Variants in FAF1 observed in about 807,000 individuals in gnomAD.
The protein encoded by FAF1 is FAS-associated factor 1.
FAF1 carries 25 observed loss-of-function variants against 92.5 expected under a neutral mutation model. The observed-to-expected ratio is 0.27, with a 90% CI of 0.20 to 0.38. FAF1 has a LOEUF of 0.38. FAF1 is among the 10% of genes least tolerant of loss of function. The pLI, the probability that FAF1 is intolerant of heterozygous loss-of-function variation, is 1.00. For synonymous variants in FAF1, 234 were observed against 273.2 expected (o/e 0.86, Z 1.42); for missense variants, 636 against 793.3 (o/e 0.80, Z 2.38).
At chr1:50,924,909 G>A (rs751805392) in intron 1 of FAF1, among the ~76,000 whole-genome samples, 10 of 152,210 alleles carry the variant, frequency 6.6e-5, no homozygotes, top group Admixed American at 2.0e-4. Context: ...CTTGAACCCA[G>A]GAGGCGGAGG....
intron 1 of FAF1, among the ~76,000 whole-genome samples, chr1:50,899,492 G>C (rs1644780327): frequency 6.6e-6 from 1 of 152,112 alleles, no homozygotes; most frequent in South Asian, 2.1e-4. Flanking sequence ...TTTTGAGACA[G>C]AGTCTCACTC....
chr1:50,770,360 C>T (rs928234584), intron 4 of FAF1, among the ~76,000 whole-genome samples: 1 of 152,138 alleles, frequency 6.6e-6, no homozygotes, highest in Non-Finnish European at 1.5e-5. Flanking sequence ...GGAAACTCCA[C>T]AATATCTGTC....
In FAF1 at chr1:50,460,543, C is replaced by T. The variant is rs1274437822; in HGVS notation, c.1869+14921G>A. ...TATGAATTCAATGTTAATGAACCAACAGTATATATTAATGTGTCTTTACAT... is the reference window on the plus strand; with the variant it reads ...TATGAATTCAATGTTAATGAACCAATAGTATATATTAATGTGTCTTTACAT... On this transcript the variant is annotated intron_variant, in intron 18 of 18. Coordinates refer to ENST00000396153, the MANE Select transcript of FAF1 (RefSeq NM_007051.3). Among the ~76,000 whole-genome samples, 6 of 151,936 alleles carry T rather than the reference C, an allele frequency of 3.9e-5. No homozygotes were observed. The East Asian group carries it at 1.2e-3, about 29-fold the overall frequency.
intron 3 of FAF1, among the ~76,000 whole-genome samples, chr1:50,801,039 T>C (rs998592989): frequency 3.3e-5 from 5 of 152,364 alleles, no homozygotes; most frequent in East Asian, 1.9e-4. Flanking sequence ...AGCAATTACA[T>C]TGCAACTATT....
chr1:50,480,426 G>A (rs1172163685), intron 17 of FAF1, among the ~76,000 whole-genome samples: 2 of 152,082 alleles, frequency 1.3e-5, no homozygotes, highest in Non-Finnish European at 2.9e-5. Flanking sequence ...TATAAATAAC[G>A]GTTTATAGCT....
chr1:50,526,925 G>A (rs1207335261), intron 15 of FAF1, among the ~76,000 whole-genome samples: 1 of 151,732 alleles, frequency 6.6e-6, no homozygotes, highest in Non-Finnish European at 1.5e-5. Context: ...CGTGATCTCG[G>A]CTCACTGCAA....
chr1:50,840,823 C>T (rs946833131), intron 2 of FAF1, among the ~76,000 whole-genome samples: 5 of 151,598 alleles, frequency 3.3e-5, no homozygotes, highest in African/African-American at 1.2e-4. Context: ...CATTGTTTTA[C>T]TTATGGTAAA....
At chr1:50,626,279 A>G (rs1321013986) in intron 8 of FAF1, among the ~76,000 whole-genome samples, 2 of 152,178 alleles carry the variant, frequency 1.3e-5, no homozygotes, top group African/African-American at 2.4e-5. Flanking sequence ...TTGAGCACCT[A>G]CTATCCAAAG....
intron 2 of FAF1, among the ~76,000 whole-genome samples, chr1:50,804,229 C>A (rs1662106912): frequency 6.6e-6 from 1 of 152,114 alleles, no homozygotes; most frequent in African/African-American, 2.4e-5. Context: ...ATGAAAAATT[C>A]AGCTAATACC....
intron 1 of FAF1, among the ~76,000 whole-genome samples, chr1:50,919,075 G>A (rs1644942528): frequency 6.6e-6 from 1 of 152,176 alleles, no homozygotes; most frequent in South Asian, 2.1e-4. Context: ...GAAGTGTCAG[G>A]AATGTTATTT....
chr1:50,713,485 G>T (rs1357653493), intron 6 of FAF1, among the ~76,000 whole-genome samples: 1 of 152,106 alleles, frequency 6.6e-6, no homozygotes, highest in Non-Finnish European at 1.5e-5. Context: ...TGTTGGCCAG[G>T]CTGGTCTCGA....
intron 18 of FAF1, chr1:50,469,474 G>A (rs1030941575): frequency 6.6e-6 from 1 of 152,206 alleles, no homozygotes; most frequent in African/African-American, 2.4e-5. Flanking sequence ...TGAGATGCAT[G>A]TGCTGAGGAG....
At chr1:50,631,657 C>A (rs1297357234) in intron 8 of FAF1, among the ~76,000 whole-genome samples, 1 of 152,132 alleles carries the variant, frequency 6.6e-6, no homozygotes, top group African/African-American at 2.4e-5. Context: ...AACTTGTTTT[C>A]TATAAGTGAA....
chr1:50,771,513 C>T (rs13375149), intron 4 of FAF1, among the ~76,000 whole-genome samples: 1 of 152,090 alleles, frequency 6.6e-6, no homozygotes, highest in Non-Finnish European at 1.5e-5. Flanking sequence ...AAAGCATACA[C>T]AAAATGCTTA....
chr1:50,671,006 T>C (rs1655848953), intron 7 of FAF1, among the ~76,000 whole-genome samples: 1 of 151,724 alleles, frequency 6.6e-6, no homozygotes, highest in Admixed American at 6.6e-5. Flanking sequence ...TGAAGGGAGA[T>C]AGAATATATA....
At chr1:50,652,020 G>T (rs1654886356) in intron 8 of FAF1, among the ~76,000 whole-genome samples, 1 of 152,194 alleles carries the variant, frequency 6.6e-6, no homozygotes, top group South Asian at 2.1e-4. Context: ...CATCTTTGTT[G>T]TATCAAATCA....
At chr1:50,788,279 A>G in intron 3 of FAF1, 74 bp from the exon 4 acceptor site, 3 of 1,297,692 alleles carry the variant, frequency 2.3e-6, no homozygotes, top group Non-Finnish European at 3.3e-6. Flanking sequence ...CCCTCTCCAT[A>G]CTTGGCTTGT....
At chr1:50,642,886 GTTAGAGT>G (rs1375210315) in intron 8 of FAF1, among the ~76,000 whole-genome samples, 2 of 151,914 alleles carry the variant, frequency 1.3e-5, no homozygotes, top group Non-Finnish European at 2.9e-5. Flanking sequence ...TGTTGCCCAG[GTTAGAGT>G]TCAATGGCAC....
At chr1:50,577,643 A>G (rs1202885747) in intron 12 of FAF1, among the ~76,000 whole-genome samples, 3 of 152,140 alleles carry the variant, frequency 2.0e-5, no homozygotes, top group Non-Finnish European at 4.4e-5. Context: ...GATTGTTTAT[A>G]TTGTTTTATT....
Sources: allele counts gnomAD v4.1 joint callset (sites outside exome capture counted in the v4.1 genomes callset), GRCh38; gene constraint gnomAD v4.1.1; transcripts MANE v1.5; gene names NCBI Gene and HGNC (gene_info 2026-07-23, HGNC 2026-07-21).